The following FAP variants were observed in gnomAD, a reference collection of about 807,000 sequenced individuals.
The protein encoded by FAP is fibroblast activation protein alpha, also known as prolyl endopeptidase FAP.
A neutral mutation model predicts 126.5 loss-of-function variants in FAP; 110 were observed. That is an observed-to-expected ratio of 0.87 (90% CI 0.74 to 1.02). The LOEUF (loss-of-function observed/expected upper bound fraction) is 1.02. Among genes scored for constraint, FAP ranks in the 50% least tolerant of loss-of-function variants. The probability of loss-of-function intolerance (pLI) is 0.00; values close to 1 mark genes in which losing one functional copy is unlikely to be tolerated. For missense variants in FAP, 919 were observed against 909.2 expected (o/e 1.01, Z -0.14); for synonymous variants, 334 against 297.3 (o/e 1.12, Z -1.27).
chr2:162,174,823 C>T (rs569441399), intron 22 of FAP, 44 bp downstream of exon 22: 40 of 1,339,132 alleles, frequency 3.0e-5, no homozygotes, highest in South Asian at 9.4e-5. Context: ...AGAGTAATTA[C>T]GTGTTAAATG....
At chr2:162,218,378 T>C (rs71424731) in intron 8 of FAP, among the ~76,000 whole-genome samples, 6,744 of 152,206 alleles carry the variant, frequency 0.044, 200 homozygotes, top group Admixed American at 0.065. Context: ...AGAAATGTAA[T>C]TTTTTAAATA....
intron 2 of FAP, among the ~76,000 whole-genome samples, chr2:162,240,377 G>C (rs76518093): frequency 0.014 from 2,057 of 152,210 alleles, 31 homozygotes; most frequent in Non-Finnish European, 0.021. Context: ...CCTGAAGCTG[G>C]TTCTCCTGGG....
intron 16 of FAP, among the ~76,000 whole-genome samples, chr2:162,197,079 AAATGCAG>A: frequency 6.6e-6 from 1 of 152,248 alleles, no homozygotes; most frequent in East Asian, 1.9e-4. Flanking sequence ...AGCATTATAC[AAATGCAG>A]AATGCATACA....
intron 11 of FAP, among the ~76,000 whole-genome samples, chr2:162,211,874 G>A (rs201719552): frequency 6.6e-4 from 101 of 152,022 alleles, no homozygotes; most frequent in African/African-American, 2.1e-3. Flanking sequence ...AAATGTTGCC[G>A]GGTCACTTAA....
At chr2:162,193,340 T>C (rs1688124193) in intron 17 of FAP, among the ~76,000 whole-genome samples, 2 of 152,194 alleles carry the variant, frequency 1.3e-5, no homozygotes. Flanking sequence ...AACTGTGCTC[T>C]GAAAGAATTT....
intron 23 of FAP, 45 bp downstream of exon 23, chr2:162,173,678 A>G (rs921081822): frequency 1.6e-6 from 2 of 1,229,790 alleles, no homozygotes. Context: ...GTTATTTAGC[A>G]TATTAGAAAT....
chr2:162,190,357 G>A (rs375533814), intron 17 of FAP, among the ~76,000 whole-genome samples: 23 of 151,924 alleles, frequency 1.5e-4, no homozygotes, highest in East Asian at 1.2e-3. Context: ...TCTCAAGGTA[G>A]TGATATATCT....
intron 16 of FAP, chr2:162,197,874 G>A (rs1688317842): frequency 6.0e-6 from 2 of 334,206 alleles, no homozygotes; most frequent in East Asian, 8.0e-5. Context: ...CTAACTCTCA[G>A]CCCCAAATTA....
chr2:162,188,109 A>C, intron 20 of FAP, 60 bp downstream of exon 20: 1 of 1,355,676 alleles, frequency 7.4e-7, no homozygotes. Flanking sequence ...GGAGAAACAC[A>C]ATAGTGATTG....
intron 12 of FAP, 117 bp from the exon 13 acceptor site, chr2:162,203,262 C>A: frequency 1.6e-6 from 1 of 632,328 alleles, no homozygotes; most frequent in South Asian, 2.0e-5. Context: ...AATGTCTCGC[C>A]TCCTCTGTCT....
chr2:162,188,199 T>A lies in FAP; in HGVS notation c.1784A>T (p.Tyr595Phe). The A allele has an allele frequency of 6.2e-7, 1 of 1,613,128 alleles. No homozygotes were observed. Among genetic ancestry groups the A allele is most frequent in the Non-Finnish European group, 8.5e-7 (1 of 1,179,324 alleles). Residue 595 changes from tyrosine (Y) to phenylalanine (F), a missense_variant, in exon 20 of 26, where the codon TAT (tyrosine) becomes TTT (phenylalanine). Transcript: ENST00000188790. The stretch of plus-strand genomic sequence containing the variant: ...AGCTGTAATCTGGTCTTCAACTTCA[T>A]AAACACCCAGCTTTCGATACACTGC... ...LYAVYRKLGV[Y>F]EVEDQITAVR...
chr2:162,192,851 C>T (rs543992324), intron 17 of FAP, among the ~76,000 whole-genome samples: 113 of 152,270 alleles, frequency 7.4e-4, no homozygotes, highest in Non-Finnish European at 1.2e-3. Context: ...TCATGAGTCT[C>T]GGGTTTGTGG....
rs1223054816 is a variant in FAP, at chr2:162,174,883, G to A, written c.1953C>T (p.Ser651=). 4.3e-6 allele frequency: 7 copies of A among 1,610,814 alleles called. No individual in the cohort carries two copies. Among genetic ancestry groups the A allele is most frequent in the Non-Finnish European group, 5.9e-6 (7 of 1,177,520 alleles). The change falls in exon 22 of 26, where the codon TCC becomes TCT. Residue 651 remains serine (S), a synonymous_variant. Transcript: ENST00000188790. ...TTTCCATACCGTAATATTCCCAGCTGGAGACTGGAGCCACTGCTATACCAC... is the reference window on the plus strand; with the variant it reads ...TTTCCATACCGTAATATTCCCAGCTAGAGACTGGAGCCACTGCTATACCAC... ...FKCGIAVAPV[S]SWEYYASVYT... is the part of the protein sequence containing the mutation.
chr2:162,171,903 C>A lies in FAP; in HGVS notation c.2182-823G>T, dbSNP rs113374693. 2.1e-3 allele frequency: 321 copies of A among 152,054 alleles called. 3 individuals are homozygous for A. The highest frequency in any genetic ancestry group is 7.3e-3 in the African/African-American group (305 of 41,506). The allele number at this position is 152,054 out of a possible 1,614,324, so 9.4% of individuals were successfully genotyped here. A position where few individuals can be genotyped will look rare whatever the true frequency, so the allele number is the denominator to read the frequency against. On this transcript the variant is annotated intron_variant, in intron 25 of 25. Transcript: ENST00000188790. ...ATACCCATCACCTCAAACAAATTTC[C>A]TTTTATGTTGGGAAAATTATAATTA... is the stretch of plus-strand genomic sequence containing the variant.
In FAP at chr2:162,188,304, T is replaced by C. The variant is rs778792528; in HGVS notation, c.1679A>G (p.Tyr560Cys). ...GACCATCCCTTCCTTACTTGCAAGATAAGATATCCAATTAACAGCAAATAC... is the reference window on the plus strand; with the variant it reads ...GACCATCCCTTCCTTACTTGCAAGACAAGATATCCAATTAACAGCAAATAC... ...RSVFAVNWIS[Y>C]LASKEGMVIA... Residue 560 changes from tyrosine to cysteine, a missense_variant, in exon 20 of 26, where the codon TAT (tyrosine) becomes TGT (cysteine). Coordinates refer to ENST00000188790, the MANE Select transcript of FAP (RefSeq NM_004460.5). 1.5e-5 allele frequency: 24 copies of C among 1,613,302 alleles called. No homozygotes were observed. The highest frequency in any genetic ancestry group is 1.9e-5 in the Non-Finnish European group (23 of 1,179,530).
intron 2 of FAP, among the ~76,000 whole-genome samples, chr2:162,233,922 T>C (rs1019108169): frequency 8.5e-5 from 13 of 152,338 alleles, no homozygotes; most frequent in South Asian, 2.1e-4. Flanking sequence ...ACATCTTTTT[T>C]TGCACATAGA....
chr2:162,238,963 A>T (rs540304641), intron 2 of FAP, among the ~76,000 whole-genome samples: 4 of 152,218 alleles, frequency 2.6e-5, no homozygotes, highest in Non-Finnish European at 1.5e-5. Context: ...TCTTCAATGC[A>T]TTATAAAAGG....
At chr2:162,195,306 G>C (rs1224911155) in intron 16 of FAP, among the ~76,000 whole-genome samples, 5 of 151,968 alleles carry the variant, frequency 3.3e-5, no homozygotes, top group Non-Finnish European at 4.4e-5. Flanking sequence ...TTGTGGGGGT[G>C]GTATTGGGAT....
At chr2:162,235,896 C>T (rs757968979) in intron 2 of FAP, among the ~76,000 whole-genome samples, 9 of 152,164 alleles carry the variant, frequency 5.9e-5, no homozygotes, top group Non-Finnish European at 1.2e-4. Context: ...CCACCAATTC[C>T]GGACACAGTG....
Sources: gnomAD v4.1 joint callset for allele counts (sites outside exome capture counted in the v4.1 genomes callset) on GRCh38, gnomAD v4.1.1 for gene constraint, MANE v1.5 for transcripts, NCBI Gene and HGNC (gene_info 2026-07-23, HGNC 2026-07-21) for gene names.